The following NEBL variants were observed in gnomAD, a reference collection of about 807,000 sequenced individuals.
NEBL encodes nebulette.
Under a neutral mutation model 140.2 loss-of-function variants are expected in NEBL, and 122 were observed. That is an observed-to-expected ratio of 0.87 (90% CI 0.75 to 1.01). NEBL has a LOEUF of 1.01. NEBL is among the 50% of genes least tolerant of loss of function. The pLI, the probability that NEBL is intolerant of heterozygous loss-of-function variation, is 0.00. For missense variants in NEBL, 1,365 were observed against 1,231.3 expected (o/e 1.11, Z -1.62); for synonymous variants, 436 against 398.9 (o/e 1.09, Z -1.11).
At chr10:21,248,215 C>T (rs546958689) in intron 2 of NEBL, 1 of 156,432 alleles carries the variant, frequency 6.4e-6, no homozygotes, top group African/African-American at 2.4e-5. Flanking sequence ...GGACTACAGG[C>T]ATATGCCACC....
chr10:21,005,139 G>A (rs1414930521), intron 3 of NEBL, among the ~76,000 whole-genome samples: 2 of 152,152 alleles, frequency 1.3e-5, no homozygotes, highest in African/African-American at 4.8e-5. Context: ...AAGTTCAATT[G>A]CAGCTGTTAA....
intron 1 of NEBL, among the ~76,000 whole-genome samples, chr10:21,256,714 C>T (rs1259538989): frequency 6.6e-6 from 1 of 152,006 alleles, no homozygotes; most frequent in African/African-American, 2.4e-5. Context: ...ACCTGCAGTC[C>T]CAGCTACTCA....
At position 20,869,750 on chromosome 10, in the gene NEBL, A is replaced by T; in HGVS notation, c.572T>A (p.Ile191Asn). 1.2e-6 allele frequency: 2 copies of T among 1,607,286 alleles called. No homozygotes were observed. Among genetic ancestry groups the T allele is most frequent in the South Asian group, 2.2e-5 (2 of 90,944 alleles). The change falls in exon 6 of 28, where the codon ATC becomes AAC. Residue 191 changes from isoleucine to asparagine, a missense_variant. Ile to Asn is a moderately radical substitution (Grantham distance 149). Coordinates refer to ENST00000377122, the MANE Select transcript of NEBL (RefSeq NM_006393.3). ...AGAAAGAGAAGTTACATTGCTTATG[A>T]TCTTAGAGATCTGGGTTGCCATCTT... ...DIKMATQISK[I>N]ISNAEYKKGQ...
chr10:21,271,774 C>T lies in NEBL; in HGVS notation n.183-19946G>A, dbSNP rs553255227. Among the ~76,000 whole-genome samples the T allele has an allele frequency of 9.2e-5, 14 of 152,110 alleles. No individual in the cohort carries two copies. The South Asian group carries it at 2.3e-3, about 25-fold the overall frequency. Reference sequence around the variant, plus strand: ...CTCCTCGCCTCAAGTGATCCACCCGCGTCAGCCTCCCAAAGTGCTAGGATT... The same window carrying T: ...CTCCTCGCCTCAAGTGATCCACCCGTGTCAGCCTCCCAAAGTGCTAGGATT... On this transcript the variant is annotated intron_variant and non_coding_transcript_variant, in intron 1 of 8. Transcript: ENST00000675702.
chr10:20,815,149 C>A (rs1366510278), intron 22 of NEBL, among the ~76,000 whole-genome samples: 3 of 152,206 alleles, frequency 2.0e-5, no homozygotes, highest in Non-Finnish European at 1.5e-5. Context: ...ATGTACACCA[C>A]TGGACTTTGG....
At chr10:21,246,697 G>A (rs1392790139) in intron 3 of NEBL, among the ~76,000 whole-genome samples, 1 of 152,054 alleles carries the variant, frequency 6.6e-6, no homozygotes, top group African/African-American at 2.4e-5. Flanking sequence ...CATCGAGCGT[G>A]GTGGTGCATG....
intron 3 of NEBL, among the ~76,000 whole-genome samples, chr10:21,231,498 C>G (rs1842249829): frequency 1.3e-5 from 2 of 151,682 alleles, no homozygotes; most frequent in Non-Finnish European, 2.9e-5. Context: ...GAGATGGCGC[C>G]ACTGCACTCC....
intron 3 of NEBL, among the ~76,000 whole-genome samples, chr10:20,977,178 T>C (rs1306119530): frequency 1.3e-5 from 2 of 152,176 alleles, no homozygotes; most frequent in Admixed American, 6.5e-5. Context: ...TCCATTTCAC[T>C]GCCCTTTAGA....
At chr10:21,154,865 G>A (rs1840278664) in intron 2 of NEBL, among the ~76,000 whole-genome samples, 1 of 152,088 alleles carries the variant, frequency 6.6e-6, no homozygotes. Context: ...ATATACTTGT[G>A]GGGCACATGA....
At chr10:20,830,584 T>C (rs1588713174) in intron 16 of NEBL, among the ~76,000 whole-genome samples, 1 of 152,182 alleles carries the variant, frequency 6.6e-6, no homozygotes, top group African/African-American at 2.4e-5. Context: ...AAACTTCACT[T>C]TATACCTTGT....
chr10:21,091,290 T>C (rs1836900217), intron 2 of NEBL, among the ~76,000 whole-genome samples: 1 of 152,178 alleles, frequency 6.6e-6, no homozygotes, highest in South Asian at 2.1e-4. Flanking sequence ...GTTATAAAAT[T>C]TTCCTGCCAG....
intron 3 of NEBL, among the ~76,000 whole-genome samples, chr10:20,983,632 C>T (rs1837140095): frequency 6.6e-6 from 1 of 152,166 alleles, no homozygotes; most frequent in South Asian, 2.1e-4. Context: ...TAATTGTGTA[C>T]AAGGCAAAGA....
chr10:20,897,123 A>T lies in NEBL; in HGVS notation c.81+2T>A. On this transcript the variant is annotated splice_donor_variant, in intron 1 of 27. Coordinates refer to ENST00000377122, the MANE Select transcript of NEBL (RefSeq NM_006393.3). LOFTEE classifies it high-confidence loss of function. Reference sequence around the variant, plus strand: ...GGTCTGAGTATGTGTTTTCTCACTCACCTGGTCTTCTTCATTTTCTTCTTC... The same window carrying T: ...GGTCTGAGTATGTGTTTTCTCACTCTCCTGGTCTTCTTCATTTTCTTCTTC... 1 of 1,594,690 alleles carries T rather than the reference A, an allele frequency of 6.3e-7. No homozygotes were observed. Among genetic ancestry groups the T allele is most frequent in the Non-Finnish European group, 8.6e-7 (1 of 1,162,442 alleles).
chr10:20,996,201 C>T (rs945531059), intron 3 of NEBL, among the ~76,000 whole-genome samples: 6 of 152,172 alleles, frequency 3.9e-5, no homozygotes, highest in Admixed American at 2.0e-4. Flanking sequence ...CGATGTGATA[C>T]GCTTTCAAGG....
At chr10:20,957,774 G>A (rs946440143) in intron 4 of NEBL, among the ~76,000 whole-genome samples, 4 of 152,094 alleles carry the variant, frequency 2.6e-5, no homozygotes, top group African/African-American at 7.2e-5. Flanking sequence ...TCATCTGGTC[G>A]ATTTTTGTTT....
chr10:20,786,678 A>G (rs1417295271), intron 27 of NEBL, among the ~76,000 whole-genome samples: 2 of 152,210 alleles, frequency 1.3e-5, no homozygotes, highest in Non-Finnish European at 2.9e-5. Context: ...CCAAGAGACT[A>G]TGTTGAGGGC....
At chr10:21,016,111 A>T (rs78608110) in intron 3 of NEBL, among the ~76,000 whole-genome samples, 4,189 of 152,324 alleles carry the variant, frequency 0.028, 190 homozygotes, top group African/African-American at 0.094. Flanking sequence ...TATTTCTTTG[A>T]AGCAGTTCAT....
At chr10:20,891,972 A>G (rs915424496) in intron 2 of NEBL, among the ~76,000 whole-genome samples, 1 of 152,216 alleles carries the variant, frequency 6.6e-6, no homozygotes, top group Non-Finnish European at 1.5e-5. Flanking sequence ...AAAGGGAACT[A>G]TATTGGTCAA....
At chr10:20,935,829 T>C (rs1470639913) in intron 4 of NEBL, among the ~76,000 whole-genome samples, 1 of 152,152 alleles carries the variant, frequency 6.6e-6, no homozygotes, top group Non-Finnish European at 1.5e-5. Context: ...TTTTTTCACC[T>C]TCAATACATG....
Sources: allele counts gnomAD v4.1 joint callset (sites outside exome capture counted in the v4.1 genomes callset), GRCh38; gene constraint gnomAD v4.1.1; transcripts MANE v1.5; gene names NCBI Gene and HGNC (gene_info 2026-07-23, HGNC 2026-07-21).